Variants in DAB1 observed in about 807,000 individuals in gnomAD.
The protein encoded by DAB1 is DAB adaptor protein 1.
Under a neutral mutation model 64.6 loss-of-function variants are expected in DAB1, and 15 were observed. The ratio of observed to expected loss-of-function variants is 0.23; its 90% CI spans 0.16 to 0.36. The LOEUF is 0.36. Ranked by LOEUF, DAB1 falls within the 10% of genes least tolerant of loss-of-function variation. DAB1 has a pLI of 1.00. For synonymous variants in DAB1, 235 were observed against 251.9 expected (o/e 0.93, Z 0.64); for missense variants, 596 against 706.7 (o/e 0.84, Z 1.78).
At chr1:58,300,582 A>G (rs1369813461) in intron 4 of DAB1, among the ~76,000 whole-genome samples, 11 of 23,042 alleles carry the variant, frequency 4.8e-4, no homozygotes, top group African/African-American at 1.2e-3. Flanking sequence ...GAAAGAAAGA[A>G]AGAAAGAAAG....
chr1:57,937,343 T>C (rs1328321449), intron 5 of DAB1, among the ~76,000 whole-genome samples: 1 of 152,082 alleles, frequency 6.6e-6, no homozygotes, highest in Non-Finnish European at 1.5e-5. Context: ...TAGTCCAGTC[T>C]AGAATCTCTT....
intron 2 of DAB1, among the ~76,000 whole-genome samples, chr1:57,194,843 C>G (rs1207457631): frequency 2.0e-5 from 3 of 152,196 alleles, no homozygotes; most frequent in East Asian, 3.9e-4. Flanking sequence ...CAGCCACAGC[C>G]ATTGCTGGCC....
intron 1 of DAB1, among the ~76,000 whole-genome samples, chr1:57,415,526 A>G (rs1684431588): frequency 6.6e-6 from 1 of 152,222 alleles, no homozygotes; most frequent in Non-Finnish European, 1.5e-5. Context: ...CTATAAATCT[A>G]TTCAGCTTCC....
At chr1:58,407,468 A>C (rs1644627236) in intron 3 of DAB1, among the ~76,000 whole-genome samples, 1 of 152,190 alleles carries the variant, frequency 6.6e-6, no homozygotes, top group Non-Finnish European at 1.5e-5. Context: ...GATATCAGGA[A>C]TGATTTGCCC....
intron 2 of DAB1, among the ~76,000 whole-genome samples, chr1:57,187,507 A>C (rs1663687317): frequency 6.6e-6 from 1 of 152,204 alleles, no homozygotes; most frequent in South Asian, 2.1e-4. Flanking sequence ...GGAATAGGTA[A>C]ATGAATACAG....
At chr1:57,713,441 C>A (rs1221798793) in intron 6 of DAB1, among the ~76,000 whole-genome samples, 1 of 152,170 alleles carries the variant, frequency 6.6e-6, no homozygotes, top group African/African-American at 2.4e-5. Context: ...TAACTCTGTG[C>A]AGCTTGGTTG....
chr1:58,136,571 T>C (rs1043148389), intron 5 of DAB1, among the ~76,000 whole-genome samples: 2 of 152,226 alleles, frequency 1.3e-5, no homozygotes, highest in African/African-American at 4.8e-5. Context: ...CACATTTGCA[T>C]TTCCTACTTT....
chr1:58,522,511 A>G (rs1646280547), intron 2 of DAB1, among the ~76,000 whole-genome samples: 1 of 152,202 alleles, frequency 6.6e-6, no homozygotes, highest in African/African-American at 2.4e-5. Flanking sequence ...TCAGGGAGAT[A>G]CAAAGTTGCC....
At chr1:58,491,841 C>G (rs1262433170) in intron 3 of DAB1, among the ~76,000 whole-genome samples, 2 of 152,144 alleles carry the variant, frequency 1.3e-5, no homozygotes, top group African/African-American at 4.8e-5. Flanking sequence ...CCACTGTTAA[C>G]ATTAGACAGA....
intron 5 of DAB1, among the ~76,000 whole-genome samples, chr1:58,039,061 T>A (rs1647092042): frequency 6.6e-6 from 1 of 152,164 alleles, no homozygotes; most frequent in Admixed American, 6.5e-5. Context: ...TATGTCTCTT[T>A]AGTTTCTGTA....
At chr1:57,207,269 C>T (rs1665641745) in intron 2 of DAB1, among the ~76,000 whole-genome samples, 1 of 151,452 alleles carries the variant, frequency 6.6e-6, no homozygotes, top group African/African-American at 2.4e-5. Context: ...GCTCCCAGCC[C>T]ACACTCATTT....
chr1:58,391,702 A>G (rs1462365750), intron 3 of DAB1, among the ~76,000 whole-genome samples: 2 of 152,144 alleles, frequency 1.3e-5, no homozygotes, highest in Admixed American at 1.3e-4. Flanking sequence ...TCTTCATATG[A>G]CATCAAGACC....
chr1:58,417,959 C>A (rs1281326897), intron 3 of DAB1, among the ~76,000 whole-genome samples: 1 of 152,164 alleles, frequency 6.6e-6, no homozygotes, highest in Non-Finnish European at 1.5e-5. Context: ...CTTGCTCTTA[C>A]ACTTCTCAGG....
chr1:58,465,798 T>C (rs1645290498), intron 3 of DAB1, among the ~76,000 whole-genome samples: 1 of 152,200 alleles, frequency 6.6e-6, no homozygotes, highest in Non-Finnish European at 1.5e-5. Flanking sequence ...GAACCGTCAT[T>C]ATCCACACTT....
chr1:57,012,309 T>C (rs1275685126), intron 12 of DAB1, among the ~76,000 whole-genome samples: 2 of 152,220 alleles, frequency 1.3e-5, no homozygotes, highest in African/African-American at 4.8e-5. Context: ...TGCCAATGAG[T>C]TGGACACTGT....
chr1:57,709,024 T>C (rs970138308), intron 6 of DAB1, among the ~76,000 whole-genome samples: 32 of 152,190 alleles, frequency 2.1e-4, no homozygotes, highest in African/African-American at 7.2e-4. Context: ...TAAGGAATCA[T>C]GCAGTTTTAT....
intron 4 of DAB1, among the ~76,000 whole-genome samples, chr1:58,260,207 GT>G (rs938205447): frequency 6.6e-6 from 1 of 152,140 alleles, no homozygotes; most frequent in Non-Finnish European, 1.5e-5. Context: ...GGGCTCGTAT[GT>G]CCCCCCACCA....
intron 5 of DAB1, among the ~76,000 whole-genome samples, chr1:57,899,204 T>C (rs748014900): frequency 3.9e-5 from 6 of 152,192 alleles, no homozygotes; most frequent in Non-Finnish European, 8.8e-5. Flanking sequence ...TTTTTTCTTT[T>C]GTGAAGTTTG....
chr1:57,414,602 C>A (rs1684355368), intron 1 of DAB1, among the ~76,000 whole-genome samples: 1 of 152,160 alleles, frequency 6.6e-6, no homozygotes, highest in African/African-American at 2.4e-5. Context: ...CCGTATCTCC[C>A]ATGGATGCCT....
Sources: allele counts gnomAD v4.1 joint callset (sites outside exome capture counted in the v4.1 genomes callset), GRCh38; gene constraint gnomAD v4.1.1; transcripts MANE v1.5; gene names NCBI Gene and HGNC (gene_info 2026-07-23, HGNC 2026-07-21).